Variants in PIEZO2 observed in about 807,000 individuals in gnomAD.
The protein encoded by PIEZO2 is piezo type mechanosensitive ion channel component 2, also known as piezo-type mechanosensitive ion channel component 2.
PIEZO2 carries 172 observed loss-of-function variants against 337.3 expected under a neutral mutation model. That is an observed-to-expected ratio of 0.51 (90% CI 0.45 to 0.58). The LOEUF is 0.58. Ranked by LOEUF, PIEZO2 falls within the 20% of genes least tolerant of loss-of-function variation. The probability of loss-of-function intolerance (pLI) is 0.00; values close to 1 mark genes in which losing one functional copy is unlikely to be tolerated. For synonymous variants in PIEZO2, 1,251 were observed against 1,228.5 expected (o/e 1.02, Z -0.38); for missense variants, 3,028 against 3,391.3 (o/e 0.89, Z 2.66).
At position 10,859,375 on chromosome 18, in the gene PIEZO2, C is replaced by T. The variant is rs1451277750; in HGVS notation, c.493-2164G>A. Among the ~76,000 whole-genome samples, 1 of 152,230 alleles carries T rather than the reference C, an allele frequency of 6.6e-6. No individual in the cohort carries two copies. Among genetic ancestry groups the T allele is most frequent in the Non-Finnish European group, 1.5e-5 (1 of 68,040 alleles). ...ACTGCTCCCAGAGAGGAGCTGCCAG[C>T]TCCAGCCAGTACATCAGACCACTCA... On this transcript the variant is annotated intron_variant, in intron 5 of 55. Coordinates refer to ENST00000674853, the MANE Select transcript of PIEZO2 (RefSeq NM_001378183.1). This position sits in a 1 kb window ranked among gnomAD's most constrained non-coding sequence, Gnocchi z 4.9.
intron 1 of PIEZO2, among the ~76,000 whole-genome samples, chr18:11,140,107 A>C (rs1290617374): frequency 3.3e-5 from 5 of 152,196 alleles, no homozygotes; most frequent in Non-Finnish European, 7.4e-5. Context: ...CTTCCACTGC[A>C]ATCTCTGACC....
Position 10,742,651 on chromosome 18 carries a change from A to T in PIEZO2, c.4515-36T>A, listed in dbSNP as rs1388779696. 5 of 1,534,396 alleles carry T rather than the reference A, an allele frequency of 3.3e-6. No individual in the cohort carries two copies. The South Asian group carries it at 4.8e-5, about 15-fold the overall frequency. On this transcript the variant is annotated intron_variant, in intron 31 of 55. Coordinates refer to ENST00000674853, the MANE Select transcript of PIEZO2 (RefSeq NM_001378183.1). ...AAATAACATTAGTAATGCCAAGAAC[A>T]TATTCATTGTTCTCATGTGGTCAGT...
At chr18:11,118,862 C>G (rs1363432852) in intron 1 of PIEZO2, among the ~76,000 whole-genome samples, 4 of 152,016 alleles carry the variant, frequency 2.6e-5, no homozygotes, top group Admixed American at 2.6e-4. Flanking sequence ...ACAGTTAGAC[C>G]CAAGGCAAGA....
At chr18:11,074,098 A>T (rs2038441668) in intron 1 of PIEZO2, among the ~76,000 whole-genome samples, 1 of 152,150 alleles carries the variant, frequency 6.6e-6, no homozygotes, top group African/African-American at 2.4e-5. Flanking sequence ...CGCCCGCCTC[A>T]GCCTCCCAAA....
At chr18:10,886,343 T>TATATACAC (rs561758653) in intron 4 of PIEZO2, among the ~76,000 whole-genome samples, 8 of 23,716 alleles carry the variant, frequency 3.4e-4, no homozygotes, top group East Asian at 2.7e-3. Flanking sequence ...TATATATATA[T>TATATACAC]ACACACACAC....
At chr18:11,020,521 G>A (rs2036272728) in intron 2 of PIEZO2, among the ~76,000 whole-genome samples, 1 of 152,098 alleles carries the variant, frequency 6.6e-6, no homozygotes, top group Non-Finnish European at 1.5e-5. Flanking sequence ...TTTTACTGAT[G>A]TATTTTTCTA....
chr18:10,930,840 G>T (rs2032036875), intron 3 of PIEZO2, among the ~76,000 whole-genome samples: 1 of 152,202 alleles, frequency 6.6e-6, no homozygotes, highest in Non-Finnish European at 1.5e-5. Context: ...TTTAGAGAAA[G>T]AGGTCTTTGA....
intron 3 of PIEZO2, among the ~76,000 whole-genome samples, chr18:10,964,799 C>G (rs546240606): frequency 1.3e-5 from 2 of 152,354 alleles, no homozygotes; most frequent in East Asian, 3.9e-4. Context: ...AATCTGCTTT[C>G]TGTCCTTATG....
At position 11,035,205 on chromosome 18, in the gene PIEZO2, A is replaced by G. The variant is rs1232236526; in HGVS notation, c.160+30922T>C. Among the ~76,000 whole-genome samples, 1 of 152,200 alleles carries G rather than the reference A, an allele frequency of 6.6e-6. No homozygotes were observed. Among genetic ancestry groups the G allele is most frequent in the African/African-American group, 2.4e-5 (1 of 41,466 alleles). ...TGAAATGTGATCCCCAATATTGGAC[A>G]TGGGGCCTGGTGGGAGGTGTTTGGT... On this transcript the variant is annotated intron_variant, in intron 2 of 55. Transcript: ENST00000674853. This position sits in a 1 kb window ranked among gnomAD's most constrained non-coding sequence, Gnocchi z 4.3.
Position 10,672,684 on chromosome 18 carries a change from C to G in PIEZO2, c.8345+6G>C. On this transcript the variant is annotated splice_donor_region_variant and intron_variant, in intron 55 of 55. Coordinates refer to ENST00000674853, the MANE Select transcript of PIEZO2 (RefSeq NM_001378183.1). This position sits in a 1 kb window ranked among gnomAD's most constrained non-coding sequence, Gnocchi z 4.7. ...TGTAACTGTGAATTGTTCAATGAGT[C>G]CTTACCCATAGCCAGCCAGGAACCC... 1 of 1,613,390 alleles carries G rather than the reference C, an allele frequency of 6.2e-7. No individual in the cohort carries two copies. Among genetic ancestry groups the G allele is most frequent in the Non-Finnish European group, 8.5e-7 (1 of 1,179,738 alleles).
At position 10,833,257 on chromosome 18, in the gene PIEZO2, C is replaced by G. The variant is rs145321646; in HGVS notation, c.917+22096G>C. 2.6e-5 allele frequency among the ~76,000 whole-genome samples: 4 copies of G among 152,110 alleles called. No individual in the cohort carries two copies. The highest frequency in any genetic ancestry group is 9.7e-5 in the African/African-American group (4 of 41,396). ...CCCAGGGTAACAGGTACCCTGGGTGCGTCAGTGGCAGCACAGAGATGAAAC... is the reference window on the plus strand; with the variant it reads ...CCCAGGGTAACAGGTACCCTGGGTGGGTCAGTGGCAGCACAGAGATGAAAC... On this transcript the variant is annotated intron_variant, in intron 7 of 55. Transcript: ENST00000674853. This position sits in a 1 kb window ranked among gnomAD's most constrained non-coding sequence, Gnocchi z 4.7.
At chr18:10,838,273 C>A (rs926243736) in intron 7 of PIEZO2, among the ~76,000 whole-genome samples, 2 of 152,180 alleles carry the variant, frequency 1.3e-5, no homozygotes, top group African/African-American at 4.8e-5. Flanking sequence ...CAATGTTTAA[C>A]CATCTTTTTT....
intron 1 of PIEZO2, among the ~76,000 whole-genome samples, chr18:11,124,556 C>T (rs1408437993): frequency 6.6e-6 from 1 of 152,138 alleles, no homozygotes; most frequent in Non-Finnish European, 1.5e-5. Context: ...CTAAGGGTTT[C>T]CCAAACCAGA....
intron 20 of PIEZO2, among the ~76,000 whole-genome samples, chr18:10,770,997 C>T (rs2143977733): frequency 6.6e-6 from 1 of 152,304 alleles, no homozygotes; most frequent in African/African-American, 2.4e-5. Flanking sequence ...TCCCAAAGTG[C>T]TGGGAGTACA....
chr18:11,089,163 A>T (rs866780102), intron 1 of PIEZO2, among the ~76,000 whole-genome samples: 1 of 152,152 alleles, frequency 6.6e-6, no homozygotes, highest in Non-Finnish European at 1.5e-5. Context: ...AATCCTCAGG[A>T]GTAGCACCTC....
intron 30 of PIEZO2, among the ~76,000 whole-genome samples, chr18:10,744,573 T>C (rs1445217652): frequency 6.6e-6 from 1 of 152,238 alleles, no homozygotes; most frequent in Non-Finnish European, 1.5e-5. Flanking sequence ...CATTCTCACC[T>C]GACCTTATTG....
Position 11,094,545 on chromosome 18 carries a change from G to A in PIEZO2, c.65-28323C>T, listed in dbSNP as rs1031787252. On this transcript the variant is annotated intron_variant, in intron 1 of 55. Coordinates refer to ENST00000674853, the MANE Select transcript of PIEZO2 (RefSeq NM_001378183.1). The surrounding 1 kb of genome is among the most constrained non-coding windows in gnomAD (Gnocchi z 4.4). ...AGCCAGCAACTCTCCAAAAGCAGTC[G>A]CTAATTAATAAGTGCAGGCACTCAG... Among the ~76,000 whole-genome samples the A allele has an allele frequency of 2.0e-5, 3 of 152,170 alleles. No individual in the cohort carries two copies. Among genetic ancestry groups the A allele is most frequent in the Non-Finnish European group, 2.9e-5 (2 of 68,044 alleles).
chr18:10,772,173 T>C (rs1278415286), intron 20 of PIEZO2, among the ~76,000 whole-genome samples: 3 of 152,158 alleles, frequency 2.0e-5, no homozygotes, highest in Non-Finnish European at 2.9e-5. Context: ...TATACAGGGT[T>C]CTGTGTTATC....
At chr18:10,692,523 G>C (rs375791048) in intron 47 of PIEZO2, among the ~76,000 whole-genome samples, 4 of 116,726 alleles carry the variant, frequency 3.4e-5, no homozygotes, top group East Asian at 2.8e-4. Flanking sequence ...CTTCCTTCTT[G>C]CTTCCTTCTT....
Sources: allele counts gnomAD v4.1 joint callset (sites outside exome capture counted in the v4.1 genomes callset), GRCh38; gene constraint gnomAD v4.1.1; non-coding constraint Gnocchi (gnomAD v3.1); transcripts MANE v1.5; gene names NCBI Gene and HGNC (gene_info 2026-07-23, HGNC 2026-07-21).